The following KRAS variants were observed in gnomAD, a reference collection of about 807,000 sequenced individuals.
KRAS encodes KRas proto-oncogene, GTPase.
In KRAS, 1 loss-of-function variant was observed where a neutral mutation model predicts 21.0. The ratio of observed to expected loss-of-function variants is 0.05; its 90% CI spans 0.02 to 0.23. The LOEUF (loss-of-function observed/expected upper bound fraction) is 0.23. KRAS is among the 10% of genes least tolerant of loss of function. The pLI is 1.00. For synonymous variants in KRAS, 67 were observed against 72.5 expected (o/e 0.92, Z 0.39); for missense variants, 107 against 221.8 (o/e 0.48, Z 3.29).
intron 2 of KRAS, among the ~76,000 whole-genome samples, chr12:25,242,296 A>G (rs1440949174): frequency 2.0e-5 from 3 of 152,156 alleles, no homozygotes; most frequent in Non-Finnish European, 4.4e-5. Context: ...GATACTTAAT[A>G]TATATTTGGT....
chr12:25,239,621 C>A (rs188388763), intron 2 of KRAS, among the ~76,000 whole-genome samples: 1 of 152,010 alleles, frequency 6.6e-6, no homozygotes, highest in African/African-American at 2.4e-5. Context: ...GTTCTCACTG[C>A]GGGAGAAAGA....
intron 4 of KRAS, among the ~76,000 whole-genome samples, chr12:25,212,013 T>C (rs1312237619): frequency 2.6e-5 from 4 of 152,250 alleles, no homozygotes; most frequent in African/African-American, 7.2e-5. Flanking sequence ...TATGTGTATG[T>C]ATCCCTTCAG....
Position 25,245,263 on chromosome 12 carries a change from A to G in KRAS, c.111+11T>C. 6.3e-7 allele frequency: 1 copy of G among 1,597,854 alleles called. No homozygotes were observed. Among genetic ancestry groups the G allele is most frequent in the South Asian group, 1.1e-5 (1 of 88,914 alleles). On this transcript the variant is annotated intron_variant, in intron 2 of 4. Transcript: ENST00000311936. ...CTGCACCAGTAATATGCATATTAAAACAAGATTTACCTCTATTGTTGGATC... is the reference window on the plus strand; with the variant it reads ...CTGCACCAGTAATATGCATATTAAAGCAAGATTTACCTCTATTGTTGGATC...
chr12:25,233,264 T>C (rs76736021), intron 2 of KRAS, among the ~76,000 whole-genome samples: 4,225 of 152,158 alleles, frequency 0.028, 158 homozygotes, highest in African/African-American at 0.086. Context: ...AAATGTAGGT[T>C]AGGGCTAGGC....
chr12:25,210,250 ATGTG>A (rs148135322), intron 4 of KRAS, among the ~76,000 whole-genome samples: 4 of 151,922 alleles, frequency 2.6e-5, no homozygotes, highest in Non-Finnish European at 4.4e-5. Flanking sequence ...ATCCAAATGC[ATGTG>A]TGTGTGTGTA....
rs1425431316 is a variant in KRAS, at chr12:25,206,445, C to G, written c.*3350G>C. The G allele has an allele frequency of 2.9e-5, 6 of 204,716 alleles. No homozygotes were observed. The highest frequency in any genetic ancestry group is 1.4e-4 in the African/African-American group (6 of 43,862). The allele number at this position is 204,716 out of a possible 1,614,324, so 12.7% of individuals were successfully genotyped here. On this transcript the variant is annotated 3_prime_UTR_variant, in exon 5 of 5. Transcript: ENST00000311936. Reference sequence around the variant, plus strand: ...CTTTAAGGCTGTAATAATTAGGTAACATTTATTTCTAGAATTCTCCCCCTT... The same window carrying G: ...CTTTAAGGCTGTAATAATTAGGTAAGATTTATTTCTAGAATTCTCCCCCTT...
chr12:25,212,377 A>C (rs1951208138), intron 4 of KRAS, among the ~76,000 whole-genome samples: 2 of 152,196 alleles, frequency 1.3e-5, no homozygotes, highest in Non-Finnish European at 2.9e-5. Flanking sequence ...ATTCTGACAA[A>C]GATTCTAGGC....
chr12:25,206,477 C>A lies in KRAS; in HGVS notation c.*3318G>T. On this transcript the variant is annotated 3_prime_UTR_variant, in exon 5 of 5. Coordinates refer to ENST00000311936, the MANE Select transcript of KRAS (RefSeq NM_004985.5). Reference sequence around the variant, plus strand: ...TTCTAGAATTCTCCCCCTTTAAAATCTCTACAAAAACAAATCTTTTGTTAA... The same window carrying A: ...TTCTAGAATTCTCCCCCTTTAAAATATCTACAAAAACAAATCTTTTGTTAA... The A allele has an allele frequency of 4.9e-6, 1 of 204,354 alleles. No homozygotes were observed. Among genetic ancestry groups the A allele is most frequent in the Non-Finnish European group, 1.0e-5 (1 of 99,868 alleles). 12.7% of individuals were successfully genotyped at this position (204,354 alleles called of 1,614,324 possible). A position where few individuals can be genotyped will look rare whatever the true frequency, so the allele number is the denominator to read the frequency against.
chr12:25,225,857 T>C, intron 3 of KRAS, 84 bp from the exon 4 acceptor site: 2 of 1,368,344 alleles, frequency 1.5e-6, no homozygotes, highest in East Asian at 4.6e-5. Context: ...GTCATAAAAT[T>C]TGGCTGAAAG....
Position 25,219,153 on chromosome 12 carries a change from G to T in KRAS, c.450+6461C>A, listed in dbSNP as rs187048412. On this transcript the variant is annotated intron_variant, in intron 4 of 4. Transcript: ENST00000311936. ...GGGTTTCACCATATTGCCCAGGCTG[G>T]TCTCAAACTCCTGACCTTGTGATCC... Among the ~76,000 whole-genome samples the T allele has an allele frequency of 1.5e-3, 224 of 152,058 alleles. 4 individuals carry two copies. Among genetic ancestry groups the T allele is most frequent in the Non-Finnish European group, 7.4e-5 (5 of 67,966 alleles).
At position 25,245,351 on chromosome 12, in the gene KRAS, C is replaced by T. The variant is rs121913530; in HGVS notation, c.34G>A (p.Gly12Ser). The change falls in exon 2 of 5, where the codon GGT (glycine) becomes AGT (serine). Residue 12 changes from glycine (G) to serine (S), a missense_variant. Physicochemically the swap from Gly to Ser is moderately conservative, Grantham distance 56 (BLOSUM62 0). This residue lies in a region of KRAS where 42 missense variants were observed against 139.4 expected (regional missense o/e 0.30). Transcript: ENST00000311936. ...GTCAAGGCACTCTTGCCTACGCCAC[C>T]AGCTCCAACTACCACAAGTTTATAT... ...TEYKLVVVGA[G>S]GVGKSALTIQ... 3.1e-6 allele frequency: 5 copies of T among 1,612,858 alleles called. No homozygotes were observed. Among genetic ancestry groups the T allele is most frequent in the Non-Finnish European group, 4.2e-6 (5 of 1,179,314 alleles).
intron 2 of KRAS, chr12:25,235,107 A>G: frequency 4.9e-6 from 2 of 408,810 alleles, no homozygotes; most frequent in Non-Finnish European, 4.5e-6. Flanking sequence ...GCTCTTCTCA[A>G]TATAACTAGA....
chr12:25,211,140 C>G (rs1015397625), intron 4 of KRAS: 6 of 152,100 alleles, frequency 3.9e-5, no homozygotes. Flanking sequence ...TTGTATAAAT[C>G]AAGCCACTTT....
rs1951143516 is a variant in KRAS, at chr12:25,206,825, T to C, written c.*2970A>G. On this transcript the variant is annotated 3_prime_UTR_variant, in exon 5 of 5. Coordinates refer to ENST00000311936, the MANE Select transcript of KRAS (RefSeq NM_004985.5). ...TAATTTTTAAGTATATTTTAATTAC[T>C]TATGCAGAGAAAACTGGAATATTAC... 5.0e-6 allele frequency: 1 copy of C among 198,696 alleles called. No homozygotes were observed. The allele number at this position is 198,696 out of a possible 1,614,324, so 12.3% of individuals were successfully genotyped here. A position where few individuals can be genotyped will look rare whatever the true frequency, so the allele number is the denominator to read the frequency against.
intron 4 of KRAS, among the ~76,000 whole-genome samples, chr12:25,224,532 A>G (rs1274746879): frequency 6.6e-6 from 1 of 152,206 alleles, no homozygotes; most frequent in Non-Finnish European, 1.5e-5. Context: ...TTTAAGCTGT[A>G]TTACAAAAGT....
intron 4 of KRAS, among the ~76,000 whole-genome samples, chr12:25,222,317 C>G (rs1415444099): frequency 6.6e-6 from 1 of 152,006 alleles, no homozygotes; most frequent in Non-Finnish European, 1.5e-5. Context: ...TTTATAATCT[C>G]TACAGTTACT....
At chr12:25,233,098 T>A (rs1213689666) in intron 2 of KRAS, among the ~76,000 whole-genome samples, 2 of 152,124 alleles carry the variant, frequency 1.3e-5, no homozygotes, top group Non-Finnish European at 2.9e-5. Context: ...TCAAAATATA[T>A]CCTACATCCA....
At chr12:25,231,063 C>T (rs1211648348) in intron 2 of KRAS, among the ~76,000 whole-genome samples, 1 of 144,382 alleles carries the variant, frequency 6.9e-6, no homozygotes, top group Non-Finnish European at 1.5e-5. Context: ...ACCAAAGACT[C>T]TTCCTACCTA....
chr12:25,210,274 G>T (rs1397926537), intron 4 of KRAS, among the ~76,000 whole-genome samples: 2 of 152,032 alleles, frequency 1.3e-5, no homozygotes, highest in African/African-American at 2.4e-5. Context: ...ACACTTAATT[G>T]TCCTTATGTT....
Sources: gnomAD v4.1 joint callset for allele counts (sites outside exome capture counted in the v4.1 genomes callset) on GRCh38, gnomAD v4.1.1 for gene constraint, gnomAD v4.1.1 regional missense constraint, MANE v1.5 for transcripts, NCBI Gene and HGNC (gene_info 2026-07-23, HGNC 2026-07-21) for gene names.